Variants in NFS1 observed in about 807,000 individuals in gnomAD.
The protein encoded by NFS1 is NFS1 cysteine desulfurase.
A neutral mutation model predicts 57.3 loss-of-function variants in NFS1; 26 were observed. The ratio of observed to expected loss-of-function variants is 0.45; its 90% CI spans 0.33 to 0.63. The LOEUF (loss-of-function observed/expected upper bound fraction) is 0.63, where lower values mean the gene tolerates loss of function less well. NFS1 is among the 20% of genes least tolerant of loss of function. The probability of loss-of-function intolerance (pLI) is 0.02; values close to 1 mark genes in which losing one functional copy is unlikely to be tolerated. For synonymous variants in NFS1, 209 were observed against 216.3 expected (o/e 0.97, Z 0.30); for missense variants, 505 against 605.8 (o/e 0.83, Z 1.75).
chr20:35,696,541 G>A (rs2035136937), intron 3 of NFS1, 81 bp from the exon 4 acceptor site: 2 of 975,568 alleles, frequency 2.1e-6, no homozygotes, highest in Non-Finnish European at 3.3e-6. Flanking sequence ...GACAGCCCTG[G>A]AGCAAGAAGA....
At chr20:35,693,485 GA>G (rs1601535714) in intron 4 of NFS1, among the ~76,000 whole-genome samples, 1 of 152,110 alleles carries the variant, frequency 6.6e-6, no homozygotes, top group Admixed American at 6.6e-5. Context: ...AACTTGGAAA[GA>G]AAATGTGCAT....
At chr20:35,677,564 C>T (rs1318991549) in intron 7 of NFS1, among the ~76,000 whole-genome samples, 3 of 152,026 alleles carry the variant, frequency 2.0e-5, no homozygotes, top group Non-Finnish European at 2.9e-5. Context: ...CTTAAAAATG[C>T]GTATAACCTG....
At chr20:35,698,399 C>G (rs934564111) in intron 2 of NFS1, 82 bp downstream of exon 2, 7 of 1,096,432 alleles carry the variant, frequency 6.4e-6, no homozygotes, top group Non-Finnish European at 9.4e-6. Flanking sequence ...TCTCACTTCT[C>G]CAGGGATTCA....
At chr20:35,698,413 A>AT in intron 2 of NFS1, 68 bp downstream of exon 2, 2 of 1,202,440 alleles carry the variant, frequency 1.7e-6, no homozygotes, top group South Asian at 2.7e-5. Flanking sequence ...GGATTCAGCC[A>AT]TTTCTTTGCG....
chr20:35,674,311 T>C, intron 10 of NFS1, 39 bp downstream of exon 10: 1 of 1,523,124 alleles, frequency 6.6e-7, no homozygotes, highest in Non-Finnish European at 9.1e-7. Flanking sequence ...CTCTTCTAAG[T>C]GGCCCTGCCG....
chr20:35,694,382 T>C (rs2035095750), intron 4 of NFS1, among the ~76,000 whole-genome samples: 1 of 152,134 alleles, frequency 6.6e-6, no homozygotes, highest in South Asian at 2.1e-4. Flanking sequence ...TGATCTCAGA[T>C]GATCTGCCGG....
At chr20:35,681,434 A>G (rs1377854699) in intron 6 of NFS1, among the ~76,000 whole-genome samples, 1 of 152,254 alleles carries the variant, frequency 6.6e-6, no homozygotes, top group Non-Finnish European at 1.5e-5. Flanking sequence ...GCAGTGGCTC[A>G]CGCCTGTAAT....
At chr20:35,685,558 T>TTTTATA (rs141302355) in intron 5 of NFS1, among the ~76,000 whole-genome samples, 1 of 143,512 alleles carries the variant, frequency 7.0e-6, no homozygotes, top group Non-Finnish European at 1.5e-5. Flanking sequence ...ATAAAATATT[T>TTTTATA]TATATATATA....
intron 5 of NFS1, among the ~76,000 whole-genome samples, chr20:35,684,100 C>T (rs904620514): frequency 4.7e-5 from 7 of 150,010 alleles, no homozygotes; most frequent in Admixed American, 4.7e-4. Flanking sequence ...GCGACCAGAG[C>T]AAAACTCTGT....
At chr20:35,684,141 C>T (rs368649007) in intron 5 of NFS1, among the ~76,000 whole-genome samples, 2 of 151,954 alleles carry the variant, frequency 1.3e-5, no homozygotes, top group East Asian at 1.9e-4. Context: ...TGTGTGGTGA[C>T]TCACGCCTGT....
At chr20:35,691,858 G>T (rs903165943) in intron 4 of NFS1, among the ~76,000 whole-genome samples, 1 of 150,870 alleles carries the variant, frequency 6.6e-6, no homozygotes, top group East Asian at 1.9e-4. Context: ...AGACCAGCCT[G>T]ACGAACATGG....
chr20:35,689,962 G>A (rs1227206898), intron 5 of NFS1, among the ~76,000 whole-genome samples: 1 of 149,780 alleles, frequency 6.7e-6, no homozygotes, highest in Non-Finnish European at 1.5e-5. Context: ...AACTGGGCCT[G>A]GTGGCATGCG....
intron 5 of NFS1, among the ~76,000 whole-genome samples, chr20:35,683,919 G>C (rs894370764): frequency 6.6e-6 from 1 of 151,026 alleles, no homozygotes; most frequent in African/African-American, 2.4e-5. Flanking sequence ...TTCGAGACCA[G>C]CCTGGCCAAC....
In NFS1 at chr20:35,668,899, CG is replaced by C. The variant is rs1354999020; in HGVS notation, c.*722del. The C allele has an allele frequency of 6.6e-6, 1 of 152,164 alleles. No homozygotes were observed. The highest frequency in any genetic ancestry group is 1.5e-5 in the Non-Finnish European group (1 of 68,030). The allele number at this position is 152,164 out of a possible 1,614,324, so 9.4% of individuals were successfully genotyped here. On this transcript the variant is annotated 3_prime_UTR_variant, in exon 13 of 13. Coordinates refer to ENST00000374092, the MANE Select transcript of NFS1 (RefSeq NM_021100.5). ...CATTTATGCAAATCAGATGGAGTGG[CG>C]GTCTTCTCCACAATTCCCAAGTACA...
At chr20:35,676,960 C>T (rs1352214102) in intron 7 of NFS1, among the ~76,000 whole-genome samples, 1 of 151,822 alleles carries the variant, frequency 6.6e-6, no homozygotes, top group African/African-American at 2.4e-5. Context: ...TCCACCTTCC[C>T]GGTTAAAGTG....
rs1307342722 is a variant in NFS1 at position 35,680,769 on chromosome 20, C to T, written c.758G>A (p.Ser253Asn). ...DVNDMKIDLM[S>N]ISGHKIYGPK... ...ACCGTAGATTTTGTGACCACTAATG[C>T]TCATGAGATCAATTTTCATGTCATT... Residue 253 changes from serine (S) to asparagine (N), a missense_variant, in exon 7 of 13, where the codon AGC (serine) becomes AAC (asparagine). Transcript: ENST00000374092. 6.4e-7 allele frequency: 1 copy of T among 1,569,554 alleles called. No individual in the cohort carries two copies.
intron 12 of NFS1, 146 bp from the exon 13 acceptor site, chr20:35,669,831 T>A: frequency 1.4e-6 from 1 of 703,672 alleles, no homozygotes; most frequent in South Asian, 1.7e-5. Context: ...CACAGGTGGT[T>A]AAGGTATCCT....
At chr20:35,673,737 G>A in intron 10 of NFS1, 53 bp from the exon 11 acceptor site, 1 of 1,428,080 alleles carries the variant, frequency 7.0e-7, no homozygotes, top group South Asian at 1.1e-5. Flanking sequence ...TCTACTTTTA[G>A]TCACAAACCC....
intron 5 of NFS1, among the ~76,000 whole-genome samples, chr20:35,685,469 C>T (rs6060559): frequency 3.3e-5 from 5 of 151,088 alleles, no homozygotes; most frequent in African/African-American, 1.2e-4. Flanking sequence ...CTGCAGTGAG[C>T]CGAGGTCATG....
Sources: allele counts gnomAD v4.1 joint callset (sites outside exome capture counted in the v4.1 genomes callset), GRCh38; gene constraint gnomAD v4.1.1; transcripts MANE v1.5; gene names NCBI Gene and HGNC (gene_info 2026-07-23, HGNC 2026-07-21).